WSCD2: variants seen among roughly 807,000 people sequenced by gnomAD.
The protein encoded by WSCD2 is sialate:O-sulfotransferase 2.
WSCD2 carries 28 observed loss-of-function variants against 55.7 expected under a neutral mutation model. The observed-to-expected ratio is 0.50, with a 90% confidence interval of 0.37 to 0.69. WSCD2 has a LOEUF of 0.69. WSCD2 is among the 30% of genes least tolerant of loss of function. The pLI, the probability that WSCD2 is intolerant of heterozygous loss-of-function variation, is 0.00. For synonymous variants in WSCD2, 301 were observed against 301.9 expected (o/e 1.00, Z 0.03); for missense variants, 616 against 762.1 (o/e 0.81, Z 2.26).
At chr12:108,218,276 G>A (rs1887078386) in intron 4 of WSCD2, among the ~76,000 whole-genome samples, 1 of 152,240 alleles carries the variant, frequency 6.6e-6, no homozygotes, top group African/African-American at 2.4e-5. Context: ...CCATTTTACA[G>A]CTGAAGATGC....
chr12:108,181,274 G>C (rs954486689), intron 1 of WSCD2, among the ~76,000 whole-genome samples: 9 of 152,158 alleles, frequency 5.9e-5, no homozygotes, highest in Non-Finnish European at 8.8e-5. Flanking sequence ...TTATTCCTGG[G>C]GGTGTGTGGG....
intron 4 of WSCD2, among the ~76,000 whole-genome samples, chr12:108,221,767 T>C (rs934123700): frequency 2.6e-5 from 4 of 152,210 alleles, no homozygotes; most frequent in Non-Finnish European, 5.9e-5. Context: ...CTCAGGGTAG[T>C]AGGCATGAGA....
intron 1 of WSCD2, among the ~76,000 whole-genome samples, chr12:108,181,925 T>C (rs945811897): frequency 6.6e-6 from 1 of 152,190 alleles, no homozygotes; most frequent in Non-Finnish European, 1.5e-5. Context: ...CGCAGATGCT[T>C]TGCATGCCAT....
chr12:108,155,682 T>C (rs1878438658), intron 1 of WSCD2, among the ~76,000 whole-genome samples: 1 of 152,212 alleles, frequency 6.6e-6, no homozygotes, highest in African/African-American at 2.4e-5. Flanking sequence ...ATTGTTCTTA[T>C]CTAGATGATG....
At chr12:108,188,843 C>T (rs1882832598) in intron 1 of WSCD2, among the ~76,000 whole-genome samples, 1 of 152,202 alleles carries the variant, frequency 6.6e-6, no homozygotes, top group Non-Finnish European at 1.5e-5. Context: ...GGCATCATGA[C>T]ACTGAGGCTC....
intron 1 of WSCD2, among the ~76,000 whole-genome samples, chr12:108,143,114 T>G (rs780977209): frequency 6.6e-6 from 1 of 152,234 alleles, no homozygotes; most frequent in Admixed American, 6.5e-5. Context: ...GCATCCAGCC[T>G]CTCCGTCATG....
chr12:108,245,668 G>A, intron 8 of WSCD2, among the ~76,000 whole-genome samples: 1 of 152,204 alleles, frequency 6.6e-6, no homozygotes, highest in East Asian at 1.9e-4. Context: ...TCCCCTGAGA[G>A]TAGCAGCTGT....
chr12:108,158,562 C>T (rs1180445157), intron 1 of WSCD2, among the ~76,000 whole-genome samples: 1 of 152,172 alleles, frequency 6.6e-6, no homozygotes, highest in East Asian at 1.9e-4. Context: ...CCCTTAGGTG[C>T]TGTGTGATCT....
At chr12:108,194,092 A>G (rs1232297458) in intron 1 of WSCD2, among the ~76,000 whole-genome samples, 1 of 152,152 alleles carries the variant, frequency 6.6e-6, no homozygotes, top group Non-Finnish European at 1.5e-5. Context: ...TCTAATTTAC[A>G]TTCTATTTTT....
chr12:108,194,956 A>G (rs1176067153), intron 1 of WSCD2, among the ~76,000 whole-genome samples: 2 of 152,174 alleles, frequency 1.3e-5, no homozygotes, highest in East Asian at 3.8e-4. Context: ...GGATCAGTAT[A>G]TATTTGACAA....
intron 1 of WSCD2, among the ~76,000 whole-genome samples, chr12:108,187,049 G>A (rs142814537): frequency 1.3e-5 from 2 of 152,280 alleles, no homozygotes; most frequent in Admixed American, 6.5e-5. Context: ...AGCTCCTGAG[G>A]CTACAGGTCC....
rs368855700 is a variant in WSCD2 at position 108,134,883 on chromosome 12, C to T, written c.-552+4957C>T. On this transcript the variant is annotated intron_variant, in intron 1 of 8. Coordinates refer to ENST00000547525, the MANE Select transcript of WSCD2 (RefSeq NM_014653.4). Reference sequence around the variant, plus strand: ...TGAATGACTTGCCCAGGTGACACAGCTCAGAAGCCAGGCTTTCTGGGATTT... The same window carrying T: ...TGAATGACTTGCCCAGGTGACACAGTTCAGAAGCCAGGCTTTCTGGGATTT... Among the ~76,000 whole-genome samples, 7 of 152,302 alleles carry T rather than the reference C, an allele frequency of 4.6e-5. No homozygotes were observed. The South Asian group carries it at 6.2e-4, about 14-fold the overall frequency.
At chr12:108,147,421 A>T (rs571988883) in intron 1 of WSCD2, among the ~76,000 whole-genome samples, 1 of 152,090 alleles carries the variant, frequency 6.6e-6, no homozygotes, top group Non-Finnish European at 1.5e-5. Context: ...TAGAGGTTAG[A>T]GAAGGGAATA....
chr12:108,236,202 C>A (rs866640384), intron 7 of WSCD2, among the ~76,000 whole-genome samples: 1 of 152,190 alleles, frequency 6.6e-6, no homozygotes, highest in Non-Finnish European at 1.5e-5. Context: ...GATGGCTGGA[C>A]GCATGTTCCC....
Position 108,240,276 on chromosome 12 carries a change from AGAG to A in WSCD2, c.1145-67_1145-65del, listed in dbSNP as rs1032027540. On this transcript the variant is annotated intron_variant, in intron 7 of 8. Coordinates refer to ENST00000547525, the MANE Select transcript of WSCD2 (RefSeq NM_014653.4). The stretch of plus-strand genomic sequence containing the variant: ...ATGAGGATTCCCGAGGTGGCCCAGA[AGAG>A]AGTGGGGTGGGCTTCTTGCTTCCCC... 20 of 1,591,166 alleles carry A rather than the reference AGAG, an allele frequency of 1.3e-5. No individual in the cohort carries two copies. The African/African-American group carries it at 2.7e-4, about 21-fold the overall frequency.
At position 108,249,500 on chromosome 12, in the gene WSCD2, A is replaced by G. The variant is rs916559099; in HGVS notation, c.*1157A>G. The G allele has an allele frequency of 3.3e-5, 5 of 152,554 alleles. No homozygotes were observed. Among genetic ancestry groups the G allele is most frequent in the African/African-American group, 7.2e-5 (3 of 41,448 alleles). 9.5% of individuals were successfully genotyped at this position (152,554 alleles called of 1,614,324 possible). On this transcript the variant is annotated 3_prime_UTR_variant, in exon 9 of 9. Coordinates refer to ENST00000547525, the MANE Select transcript of WSCD2 (RefSeq NM_014653.4). ...TGAGGACCTAAATCACGGAGCATCA[A>G]TCTTACAAAGTGTTGGTCCAGAGTC...
rs114152139 is a variant in WSCD2 at position 108,199,212 on chromosome 12, T to C, written c.382+2998T>C. Among the ~76,000 whole-genome samples, 1,198 of 152,240 alleles carry C rather than the reference T, an allele frequency of 7.9e-3. 17 individuals are homozygous for C. The highest frequency in any genetic ancestry group is 0.028 in the African/African-American group (1,156 of 41,524). ...CATATTAGATTAACGCTAATAAAAA[T>C]GAGACACTTCTCCGGCCTGACGCTA... is the stretch of plus-strand genomic sequence containing the variant. On this transcript the variant is annotated intron_variant, in intron 2 of 8. Transcript: ENST00000547525.
chr12:108,189,367 C>G (rs543555597), intron 1 of WSCD2: 1 of 152,262 alleles, frequency 6.6e-6, no homozygotes, highest in South Asian at 2.1e-4. Context: ...AGCTGAGGAG[C>G]AAGGGAGCTG....
At chr12:108,226,939 G>C (rs1269948436) in intron 5 of WSCD2, 51 bp from the exon 6 acceptor site, 3 of 1,574,424 alleles carry the variant, frequency 1.9e-6, no homozygotes, top group Non-Finnish European at 2.6e-6. Context: ...GTCTGAAGCT[G>C]TCCAGGGATT....
Sources: gnomAD v4.1 joint callset for allele counts (sites outside exome capture counted in the v4.1 genomes callset) on GRCh38, gnomAD v4.1.1 for gene constraint, MANE v1.5 for transcripts, NCBI Gene and HGNC (gene_info 2026-07-23, HGNC 2026-07-21) for gene names.